PCDH11X: variants seen among roughly 807,000 people sequenced by gnomAD.
The protein encoded by PCDH11X is protocadherin 11 X-linked, also known as protocadherin-11 X-linked.
Under a neutral mutation model 53.3 loss-of-function variants are expected in PCDH11X, and 18 were observed. The observed-to-expected ratio is 0.34, with a 90% CI of 0.23 to 0.50. The LOEUF (loss-of-function observed/expected upper bound fraction) is 0.50, where lower values mean the gene tolerates loss of function less well. Ranked by LOEUF, PCDH11X falls within the 20% of genes least tolerant of loss-of-function variation. The pLI is 0.98. For synonymous variants in PCDH11X, 279 were observed against 393.3 expected (o/e 0.71, Z 3.44); for missense variants, 570 against 1,032.4 (o/e 0.55, Z 6.14).
chrX:92,165,530 A>G (rs900216805), intron 6 of PCDH11X, among the ~76,000 whole-genome samples: 1 of 112,021 alleles, frequency 8.9e-6, no homozygotes, highest in African/African-American at 3.2e-5. Flanking sequence ...AGGCAGTGCA[A>G]GTGAAAAAGA....
chrX:92,013,280 C>T (rs893774007), intron 6 of PCDH11X, among the ~76,000 whole-genome samples: 1 of 111,643 alleles, frequency 9.0e-6, no homozygotes, highest in Admixed American at 9.6e-5. Context: ...CTCACATTCA[C>T]AATTGCTTCA....
intron 6 of PCDH11X, among the ~76,000 whole-genome samples, chrX:92,129,996 ACAC>A (rs1287575827): frequency 2.7e-5 from 3 of 112,141 alleles, no homozygotes; most frequent in African/African-American, 9.7e-5. Context: ...ATGCACACAC[ACAC>A]ATTTCCAAAT....
intron 8 of PCDH11X, among the ~76,000 whole-genome samples, chrX:92,272,618 A>G (rs770090833): frequency 8.9e-6 from 1 of 112,544 alleles, no homozygotes; most frequent in African/African-American, 3.2e-5. Flanking sequence ...TAATGTTGGG[A>G]TATGGAGAAT....
chrX:92,099,401 A>C (rs112845204), intron 6 of PCDH11X, among the ~76,000 whole-genome samples: 3,838 of 107,367 alleles, frequency 0.036, 198 homozygotes, highest in African/African-American at 0.13. Context: ...ATGCCAAATA[A>C]CCTCATGTAT....
intron 6 of PCDH11X, among the ~76,000 whole-genome samples, chrX:91,950,589 G>GATATAT (rs72440976): frequency 6.0e-5 from 6 of 99,489 alleles, no homozygotes; most frequent in African/African-American, 2.2e-4. Context: ...ATATAAATGT[G>GATATAT]ATATATATAT....
intron 6 of PCDH11X, among the ~76,000 whole-genome samples, chrX:92,156,219 C>G (rs899545053): frequency 2.4e-4 from 26 of 109,247 alleles, no homozygotes; most frequent in African/African-American, 6.1e-4. Context: ...CTCCAGTTAC[C>G]TCTCAGACTT....
chrX:92,147,232 A>T (rs1320265954), intron 6 of PCDH11X, among the ~76,000 whole-genome samples: 1 of 108,339 alleles, frequency 9.2e-6, no homozygotes, highest in Admixed American at 9.8e-5. Context: ...AACTATGTAA[A>T]ATGTAATTAT....
At chrX:92,053,759 C>T (rs1485297093) in intron 6 of PCDH11X, among the ~76,000 whole-genome samples, 7 of 109,349 alleles carry the variant, frequency 6.4e-5, no homozygotes, top group African/African-American at 2.3e-4. Context: ...TTAGTAGAGA[C>T]GGCGTTTCAC....
chrX:92,253,600 C>A (rs747148030), intron 7 of PCDH11X, among the ~76,000 whole-genome samples: 1 of 111,477 alleles, frequency 9.0e-6, no homozygotes, highest in African/African-American at 3.2e-5. Flanking sequence ...TTTTTGGTGT[C>A]CTCTTCAATT....
chrX:92,319,085 A>C (rs910445019), intron 8 of PCDH11X, among the ~76,000 whole-genome samples: 1 of 112,216 alleles, frequency 8.9e-6, no homozygotes, highest in African/African-American at 3.2e-5. Flanking sequence ...ATATGGGCAC[A>C]ACTGTAAAGT....
intron 6 of PCDH11X, among the ~76,000 whole-genome samples, chrX:91,880,440 G>A (rs1325941960): frequency 5.4e-5 from 6 of 111,430 alleles, no homozygotes; most frequent in Non-Finnish European, 1.1e-4. Flanking sequence ...AGATATTAAA[G>A]AAGGCTACTG....
At chrX:91,868,986 C>T (rs943859516) in intron 5 of PCDH11X, among the ~76,000 whole-genome samples, 11 of 111,260 alleles carry the variant, frequency 9.9e-5, no homozygotes, top group Admixed American at 9.5e-5. Context: ...AGAATAGTAA[C>T]GGTGAATTTT....
intron 10 of PCDH11X, among the ~76,000 whole-genome samples, chrX:92,472,072 G>T (rs1332532251): frequency 2.7e-5 from 3 of 110,418 alleles, no homozygotes; most frequent in Admixed American, 9.7e-5. Flanking sequence ...TCTGTTGATA[G>T]TTTATTTTTG....
At chrX:91,793,427 T>C (rs1325494531) in intron 1 of PCDH11X, among the ~76,000 whole-genome samples, 1 of 110,486 alleles carries the variant, frequency 9.1e-6, no homozygotes, top group Non-Finnish European at 1.9e-5. Context: ...GAGCACTTTT[T>C]GAATCTTATT....
chrX:92,378,041 T>C (rs2070789964), intron 8 of PCDH11X, among the ~76,000 whole-genome samples: 1 of 108,558 alleles, frequency 9.2e-6, no homozygotes, highest in Non-Finnish European at 1.9e-5. Context: ...GTAATCATGA[T>C]TTCTCTGATC....
At chrX:91,867,129 A>G (rs1056145344) in intron 5 of PCDH11X, among the ~76,000 whole-genome samples, 13 of 111,749 alleles carry the variant, frequency 1.2e-4, no homozygotes, top group Non-Finnish European at 2.4e-4. Flanking sequence ...GTAATTTCAT[A>G]CATGTTATTA....
At chrX:92,398,945 C>G (rs1209280587) in intron 9 of PCDH11X, among the ~76,000 whole-genome samples, 8 of 110,746 alleles carry the variant, frequency 7.2e-5, no homozygotes, top group Non-Finnish European at 1.5e-4. Context: ...ATAATCCCAG[C>G]ACTTTGGGAG....
intron 10 of PCDH11X, among the ~76,000 whole-genome samples, chrX:92,617,433 G>A (rs1253382358): frequency 9.0e-6 from 1 of 111,476 alleles, no homozygotes; most frequent in Non-Finnish European, 1.9e-5. Flanking sequence ...CATACACACA[G>A]GATTGATACG....
intron 6 of PCDH11X, among the ~76,000 whole-genome samples, chrX:91,916,670 C>T (rs1941575648): frequency 9.1e-6 from 1 of 109,295 alleles, no homozygotes; most frequent in South Asian, 3.9e-4. Context: ...AAGATTGAAA[C>T]AATAATAAAA....
Sources: allele counts gnomAD v4.1 joint callset (sites outside exome capture counted in the v4.1 genomes callset), GRCh38; gene constraint gnomAD v4.1.1; transcripts MANE v1.5; gene names NCBI Gene and HGNC (gene_info 2026-07-23, HGNC 2026-07-21).